The following CACNA1C variants were observed in gnomAD, a reference collection of about 807,000 sequenced individuals.
CACNA1C encodes the protein calcium voltage-gated channel subunit alpha1 C, also known as voltage-dependent L-type calcium channel subunit alpha-1C.
In CACNA1C, 30 loss-of-function variants were observed where a neutral mutation model predicts 229.0. The ratio of observed to expected loss-of-function variants is 0.13; its 90% confidence interval spans 0.10 to 0.18. The LOEUF (loss-of-function observed/expected upper bound fraction) is 0.18. Ranked by LOEUF, CACNA1C falls within the 10% of genes least tolerant of loss-of-function variation. The pLI is 1.00. For missense variants in CACNA1C, 1,658 were observed against 2,845.0 expected, an observed-to-expected ratio of 0.58 and a Z score of 9.49; for synonymous variants, 1,114 against 1,132.5, an observed-to-expected ratio of 0.98 and a Z score of 0.33.
chr12:2,579,037 C>T (rs541284823), intron 13 of CACNA1C, among the ~76,000 whole-genome samples: 2 of 151,938 alleles, frequency 1.3e-5, no homozygotes, highest in East Asian at 3.9e-4. Flanking sequence ...GTCAGGAGGG[C>T]CCCCCCACCT....
intron 2 of CACNA1C, among the ~76,000 whole-genome samples, chr12:2,116,916 C>G (rs2084175711): frequency 6.6e-6 from 1 of 152,174 alleles, no homozygotes; most frequent in African/African-American, 2.4e-5. Context: ...GTCTCAGGTA[C>G]TGGTTGAAAG....
chr12:1,976,000 C>G (rs2190766), intron 1 of CACNA1C, among the ~76,000 whole-genome samples: 19,164 of 152,116 alleles, frequency 0.13, 1,466 homozygotes, highest in Admixed American at 0.19. Context: ...CACAACTCAA[C>G]ACACAGAAAA....
intron 3 of CACNA1C, among the ~76,000 whole-genome samples, chr12:2,241,259 C>T (rs897427624): frequency 6.6e-6 from 1 of 152,066 alleles, no homozygotes; most frequent in Non-Finnish European, 1.5e-5. Context: ...GTCATGGCAG[C>T]CTTAGAGAAA....
At chr12:2,675,525 G>C (rs1412702411) in intron 39 of CACNA1C, among the ~76,000 whole-genome samples, 16 of 152,188 alleles carry the variant, frequency 1.1e-4, no homozygotes, top group Admixed American at 1.0e-3. Flanking sequence ...GACACTTACG[G>C]TGAGTGACCC....
At chr12:2,569,809 C>T (rs895537065) in intron 13 of CACNA1C, among the ~76,000 whole-genome samples, 2 of 152,040 alleles carry the variant, frequency 1.3e-5, no homozygotes. Context: ...ATAGGTACCT[C>T]GGAGTGGAAT....
chr12:2,686,729 G>A (rs2097524000), intron 45 of CACNA1C, among the ~76,000 whole-genome samples: 1 of 152,230 alleles, frequency 6.6e-6, no homozygotes, highest in Admixed American at 6.5e-5. Flanking sequence ...ATGGTCAAGA[G>A]TAGGGAATGA....
chr12:2,619,174 G>A (rs529649598), intron 29 of CACNA1C, among the ~76,000 whole-genome samples: 1 of 152,320 alleles, frequency 6.6e-6, no homozygotes, highest in Admixed American at 6.5e-5. Context: ...AGACGGGACA[G>A]GAAGAGCTTC....
At chr12:2,437,697 T>C (rs2154559958) in intron 3 of CACNA1C, among the ~76,000 whole-genome samples, 1 of 152,006 alleles carries the variant, frequency 6.6e-6, no homozygotes, top group East Asian at 1.9e-4. Flanking sequence ...GTGGTGTTGG[T>C]GGTGGCAATG....
In CACNA1C at chr12:2,665,033, C is replaced by CTGGA; in HGVS notation, c.4398+43_4398+44insTGGA. ...TCAACAGCCAGCAGCCATGACTGCC[C>CTGGA]AGTTCCAGGGCAGTCTGAACCGTCC... On this transcript the variant is annotated intron_variant, in intron 35 of 46. Transcript: ENST00000399655. The surrounding 1 kb of genome is among the most constrained non-coding windows in gnomAD (Gnocchi z 5.9). The CTGGA allele has an allele frequency of 1.2e-6, 2 of 1,602,530 alleles. No homozygotes were observed. The highest frequency in any genetic ancestry group is 1.7e-6 in the Non-Finnish European group (2 of 1,170,408).
chr12:2,107,165 G>A (rs181209141), intron 1 of CACNA1C, among the ~76,000 whole-genome samples: 34 of 144,842 alleles, frequency 2.3e-4, no homozygotes, highest in African/African-American at 7.5e-4. Flanking sequence ...GTGTCCTGAA[G>A]CCACTGGGTG....
rs139057510 is a variant in CACNA1C at position 2,461,143 on chromosome 12, G to A, written c.757+3437G>A. On this transcript the variant is annotated intron_variant, in intron 5 of 46. Coordinates refer to ENST00000399655, the MANE Select transcript of CACNA1C (RefSeq NM_000719.7). ...TCTCTCTTGAATCCACTCTGATGGG[G>A]CTTTCTTCCCCACTGCTGCACCAAA... Among the ~76,000 whole-genome samples the A allele has an allele frequency of 8.4e-3, 1,276 of 152,282 alleles. 21 individuals carry two copies. The highest frequency in any genetic ancestry group is 0.029 in the African/African-American group (1,213 of 41,534).
At chr12:2,149,659 A>G (rs1223426548) in intron 3 of CACNA1C, among the ~76,000 whole-genome samples, 5 of 152,192 alleles carry the variant, frequency 3.3e-5, no homozygotes, top group African/African-American at 4.8e-5. Context: ...GTAAGAGACA[A>G]TGACCTGAAA....
At chr12:2,241,803 T>A (rs1195698408) in intron 3 of CACNA1C, among the ~76,000 whole-genome samples, 1 of 152,370 alleles carries the variant, frequency 6.6e-6, no homozygotes, top group African/African-American at 2.4e-5. Flanking sequence ...TTTTGTTATG[T>A]TTGATCCCCT....
chr12:2,044,528 C>T (rs1231206165), intron 1 of CACNA1C, among the ~76,000 whole-genome samples: 2 of 152,196 alleles, frequency 1.3e-5, no homozygotes, highest in Admixed American at 6.5e-5. Flanking sequence ...TTAGAGTGAA[C>T]TAGCCAAGTG....
intron 3 of CACNA1C, among the ~76,000 whole-genome samples, chr12:2,258,620 C>A (rs1015201201): frequency 1.6e-4 from 24 of 152,308 alleles, no homozygotes; most frequent in Admixed American, 1.5e-3. Context: ...GACTGGGTTT[C>A]CCAACCAGAT....
intron 3 of CACNA1C, among the ~76,000 whole-genome samples, chr12:2,292,586 T>C (rs1003962856): frequency 6.6e-6 from 1 of 152,202 alleles, no homozygotes; most frequent in African/African-American, 2.4e-5. Flanking sequence ...CAGCTTCATG[T>C]ATCCAATCAA....
intron 5 of CACNA1C, among the ~76,000 whole-genome samples, 162 bp downstream of exon 5, chr12:2,457,868 C>CT (rs1002079598): frequency 6.6e-6 from 1 of 152,186 alleles, no homozygotes; most frequent in African/African-American, 2.4e-5. Flanking sequence ...AAGAGCCCAA[C>CT]TCGGATGTAA....
chr12:2,349,424 T>A (rs1334925734), intron 3 of CACNA1C, among the ~76,000 whole-genome samples: 2 of 151,978 alleles, frequency 1.3e-5, no homozygotes, highest in Non-Finnish European at 2.9e-5. Flanking sequence ...TTTTTTAAAG[T>A]TAAGAAGAAA....
chr12:2,072,311 GCCC>G (rs1363526807), intron 1 of CACNA1C, among the ~76,000 whole-genome samples: 2 of 152,044 alleles, frequency 1.3e-5, no homozygotes, highest in African/African-American at 4.8e-5. Flanking sequence ...CAGTTCTCCT[GCCC>G]CAGCCTCCTG....
Sources: allele counts gnomAD v4.1 joint callset (sites outside exome capture counted in the v4.1 genomes callset), GRCh38; gene constraint gnomAD v4.1.1; non-coding constraint Gnocchi (gnomAD v3.1); transcripts MANE v1.5; gene names NCBI Gene and HGNC (gene_info 2026-07-23, HGNC 2026-07-21).